Variants in SLC22A12 observed in about 807,000 individuals in gnomAD.
The protein encoded by SLC22A12 is organic anion transporter 4-like protein.
SLC22A12 carries 56 observed loss-of-function variants against 52.7 expected under a neutral mutation model. The observed-to-expected ratio is 1.06, with a 90% CI of 0.86 to 1.33. The LOEUF (loss-of-function observed/expected upper bound fraction) is 1.33. Ranked by LOEUF, SLC22A12 falls within the 40% of genes most tolerant of loss-of-function variation. The pLI, the probability that SLC22A12 is intolerant of heterozygous loss-of-function variation, is 0.00. For missense variants in SLC22A12, 683 were observed against 741.5 expected (o/e 0.92, Z 0.92); for synonymous variants, 337 against 324.6 (o/e 1.04, Z -0.41).
intron 4 of SLC22A12, 53 bp downstream of exon 4, chr11:64,593,856 C>T (rs530244310): frequency 5.1e-4 from 803 of 1,579,558 alleles, no homozygotes; most frequent in Non-Finnish European, 6.3e-4. Context: ...CCACTCTCCA[C>T]CCGGGGGAAT....
At position 64,598,531 on chromosome 11, in the gene SLC22A12, G is replaced by A. The variant is rs71581775; in HGVS notation, c.846G>A (p.Ser282=). The A allele has an allele frequency of 1.9e-5, 30 of 1,587,378 alleles. No individual in the cohort carries two copies. The Middle Eastern group carries it at 7.3e-4, about 38-fold the overall frequency. Residue 282 remains serine (S), a synonymous_variant, in exon 5 of 10, where the codon TCG becomes TCA. Coordinates refer to ENST00000377574, the MANE Select transcript of SLC22A12 (RefSeq NM_144585.4). The part of the protein sequence containing the change: ...CFLYSWWLAE[S]ARWLLTTGRL... Reference sequence around the variant, plus strand: ...TCCACTTAAGGTGGCTGGCAGAGTCGGCACGATGGCTCCTCACCACAGGCA... The same window carrying A: ...TCCACTTAAGGTGGCTGGCAGAGTCAGCACGATGGCTCCTCACCACAGGCA...
intron 2 of SLC22A12, among the ~76,000 whole-genome samples, 188 bp downstream of exon 2, chr11:64,593,070 A>C (rs1006379072): frequency 6.6e-6 from 1 of 152,072 alleles, no homozygotes; most frequent in Non-Finnish European, 1.5e-5. Context: ...CCTTCTCTGA[A>C]CCTCGAGTTC....
At position 64,598,541 on chromosome 11, in the gene SLC22A12, C is replaced by T. The variant is rs746191331; in HGVS notation, c.856C>T (p.Leu286Phe). Residue 286 changes from leucine to phenylalanine, a missense_variant, in exon 5 of 10, where the codon CTC becomes TTC. Physicochemically the swap from Leu to Phe is conservative, Grantham distance 22. Coordinates refer to ENST00000377574, the MANE Select transcript of SLC22A12 (RefSeq NM_144585.4). ...SWWLAESARWLLTTGRLDWGL... is the reference protein window; with the variant it reads ...SWWLAESARWFLTTGRLDWGL... ...GTGGCTGGCAGAGTCGGCACGATGGCTCCTCACCACAGGCAGGCTGGATTG... is the reference window on the plus strand; with the variant it reads ...GTGGCTGGCAGAGTCGGCACGATGGTTCCTCACCACAGGCAGGCTGGATTG... The T allele has an allele frequency of 6.3e-7, 1 of 1,595,626 alleles. No homozygotes were observed. Among genetic ancestry groups the T allele is most frequent in the South Asian group, 1.1e-5 (1 of 87,768 alleles).
rs1466606233 is a variant in SLC22A12 at position 64,591,912 on chromosome 11, G to A, written c.356G>A (p.Gly119Asp). The A allele has an allele frequency of 1.2e-6, 2 of 1,612,340 alleles. No homozygotes were observed. Among genetic ancestry groups the A allele is most frequent in the Non-Finnish European group, 1.7e-6 (2 of 1,180,036 alleles). Residue 119 changes from glycine to aspartate, a missense_variant, in exon 1 of 10, where the codon GGC (glycine) becomes GAC (aspartate). Gly to Asp is a moderately conservative substitution (Grantham distance 94). Coordinates refer to ENST00000377574, the MANE Select transcript of SLC22A12 (RefSeq NM_144585.4). ...SEADTEPCVDGWVYDRSIFTS... is the reference protein window; with the variant it reads ...SEADTEPCVDDWVYDRSIFTS... ...GCCGACACGGAGCCGTGTGTGGATG[G>A]CTGGGTCTATGACCGCAGCATCTTC...
intron 6 of SLC22A12, 84 bp from the exon 7 acceptor site, chr11:64,599,592 C>T (rs1489160435): frequency 5.4e-6 from 3 of 560,736 alleles, no homozygotes; most frequent in South Asian, 5.5e-5. Flanking sequence ...CCACCCTGAG[C>T]CCCCACCGCC....
chr11:64,593,574 T>G lies in SLC22A12; in HGVS notation c.661+15T>G. On this transcript the variant is annotated intron_variant, in intron 3 of 9. Coordinates refer to ENST00000377574, the MANE Select transcript of SLC22A12 (RefSeq NM_144585.4). ...GGGCACTCTCCGTAGGTCTCTGACC[T>G]GGCGCCATGCAGGGGGGCTCCATGC... The G allele has an allele frequency of 6.2e-7, 1 of 1,614,142 alleles. No individual in the cohort carries two copies. The highest frequency in any genetic ancestry group is 8.5e-7 in the Non-Finnish European group (1 of 1,180,006).
intron 4 of SLC22A12, among the ~76,000 whole-genome samples, chr11:64,596,556 G>A (rs1203689914): frequency 6.6e-6 from 1 of 152,200 alleles, no homozygotes; most frequent in Non-Finnish European, 1.5e-5. Context: ...GACCACTGTA[G>A]AAAGGAGCAC....
rs2022051 is a variant in SLC22A12, at chr11:64,600,117, A to G, written c.1285+227A>G. Among the ~76,000 whole-genome samples, 51,098 of 152,074 alleles carry G rather than the reference A, an allele frequency of 0.34. 10,861 individuals carry two copies. Among genetic ancestry groups the G allele is most frequent in the African/African-American group, 0.6 (24,766 of 41,460 alleles). ...AAAGTGTGGAGTTAAAATGAGAACTAAGTGATGGATTGCAGGAGGAGGGAA... is the reference window on the plus strand; with the variant it reads ...AAAGTGTGGAGTTAAAATGAGAACTGAGTGATGGATTGCAGGAGGAGGGAA... On this transcript the variant is annotated intron_variant, in intron 7 of 9. Coordinates refer to ENST00000377574, the MANE Select transcript of SLC22A12 (RefSeq NM_144585.4).
intron 2 of SLC22A12, 70 bp downstream of exon 2, chr11:64,592,952 C>T: frequency 2.1e-6 from 3 of 1,421,028 alleles, no homozygotes; most frequent in Non-Finnish European, 3.0e-6. Flanking sequence ...CCCTGGCCGA[C>T]TGGCCCCAAA....
chr11:64,593,619 C>G lies in SLC22A12; in HGVS notation c.662-16C>G, dbSNP rs1376837159. The G allele has an allele frequency of 6.2e-7, 1 of 1,614,206 alleles. No homozygotes were observed. Among genetic ancestry groups the G allele is most frequent in the South Asian group, 1.1e-5 (1 of 91,086 alleles). ...CCATGCAGGCTCCAGGGCTGAACCA[C>G]TCGGTCTCCTTGCAGTGATGGAGTG... is the stretch of plus-strand genomic sequence containing the variant. On this transcript the variant is annotated splice_polypyrimidine_tract_variant and intron_variant, in intron 3 of 9. Coordinates refer to ENST00000377574, the MANE Select transcript of SLC22A12 (RefSeq NM_144585.4).
intron 4 of SLC22A12, among the ~76,000 whole-genome samples, chr11:64,595,591 G>GGAT (rs1565136730): frequency 3.0e-5 from 4 of 132,068 alleles, no homozygotes; most frequent in African/African-American, 1.1e-4. Context: ...AATGGAAGGA[G>GGAT]GGATGGATGG....
Position 64,593,737 on chromosome 11 carries a change from T to C in SLC22A12, c.764T>C (p.Val255Ala), listed in dbSNP as rs778308776. ...HGLTAAVAYG[V>A]RDWTLLQLVV... is the part of the protein sequence containing the mutation. ...CTGACAGCTGCAGTGGCCTACGGTG[T>C]GCGGGACTGGACACTGCTGCAGCTG... The change falls in exon 4 of 10, where the codon GTG becomes GCG. Residue 255 changes from valine (V) to alanine (A), a missense_variant. By Grantham distance (64) the Val-to-Ala change is moderately conservative. Coordinates refer to ENST00000377574, the MANE Select transcript of SLC22A12 (RefSeq NM_144585.4). 9.3e-6 allele frequency: 15 copies of C among 1,613,572 alleles called. No homozygotes were observed. The highest frequency in any genetic ancestry group is 1.3e-5 in the African/African-American group (1 of 74,926).
chr11:64,591,970 C>T lies in SLC22A12; in HGVS notation c.402+12C>T, dbSNP rs777445888. On this transcript the variant is annotated intron_variant, in intron 1 of 9. Transcript: ENST00000377574. ...CAATCGTGGCCAAGGTAGGGCCTCC[C>T]CCAGAGCCACTCGAGTCCCACCACC... 1 of 1,608,646 alleles carries T rather than the reference C, an allele frequency of 6.2e-7. No individual in the cohort carries two copies. Among genetic ancestry groups the T allele is most frequent in the Non-Finnish European group, 8.5e-7 (1 of 1,179,802 alleles).
intron 8 of SLC22A12, 26 bp downstream of exon 8, chr11:64,600,501 G>A (rs373406568): frequency 7.1e-6 from 11 of 1,559,020 alleles, no homozygotes; most frequent in Non-Finnish European, 9.6e-6. Flanking sequence ...GGCTCCAGGA[G>A]AGGGGAGCCC....
intron 4 of SLC22A12, among the ~76,000 whole-genome samples, chr11:64,594,975 A>T (rs1477869062): frequency 8.9e-6 from 1 of 112,354 alleles, no homozygotes; most frequent in Non-Finnish European, 1.7e-5. Context: ...GAATAGATGG[A>T]TGGATGGATG....
Position 64,601,822 on chromosome 11 carries a change from G to A in SLC22A12, c.*271G>A, listed in dbSNP as rs184983393. 5.6e-4 allele frequency: 254 copies of A among 456,930 alleles called. 1 individual carries two copies. The highest frequency in any genetic ancestry group is 4.9e-3 in the African/African-American group (244 of 49,974). 28.3% of individuals were successfully genotyped at this position (456,930 alleles called of 1,614,324 possible). A position where few individuals can be genotyped will look rare whatever the true frequency, so the allele number is the denominator to read the frequency against. On this transcript the variant is annotated 3_prime_UTR_variant, in exon 10 of 10. Coordinates refer to ENST00000377574, the MANE Select transcript of SLC22A12 (RefSeq NM_144585.4). ...CCTGCCCTGCCCTCGTGGCTTCGGA[G>A]AGCAGAGGGGTCAGGCCCAGGGGAA...
At chr11:64,596,914 C>T (rs2039265345) in intron 4 of SLC22A12, among the ~76,000 whole-genome samples, 2 of 152,172 alleles carry the variant, frequency 1.3e-5, no homozygotes, top group Admixed American at 1.3e-4. Context: ...TGAAGAAGTG[C>T]CCATTCATTC....
At position 64,600,403 on chromosome 11, in the gene SLC22A12, G is replaced by A; in HGVS notation, c.1322G>A (p.Gly441Glu). ...GALRSALAVL[G>E]LGGVGAAFTC... ...CTGCGCTCAGCCTTGGCCGTGCTGG[G>A]GCTGGGCGGGGTGGGGGCTGCCTTC... Residue 441 changes from glycine (G) to glutamate (E), a missense_variant, in exon 8 of 10, where the codon GGG becomes GAG. Physicochemically the swap from Gly to Glu is moderately conservative, Grantham distance 98 (BLOSUM62 -2). Coordinates refer to ENST00000377574, the MANE Select transcript of SLC22A12 (RefSeq NM_144585.4). 1 of 1,607,704 alleles carries A rather than the reference G, an allele frequency of 6.2e-7. No homozygotes were observed. Among genetic ancestry groups the A allele is most frequent in the South Asian group, 1.1e-5 (1 of 90,140 alleles).
intron 1 of SLC22A12, among the ~76,000 whole-genome samples, chr11:64,592,226 TC>T (rs1011826138): frequency 2.2e-4 from 33 of 152,232 alleles, no homozygotes; most frequent in Admixed American, 2.0e-3. Flanking sequence ...CTCACCGGCC[TC>T]ACCCTGTCCT....
Sources: allele counts gnomAD v4.1 joint callset (sites outside exome capture counted in the v4.1 genomes callset), GRCh38; gene constraint gnomAD v4.1.1; transcripts MANE v1.5; gene names NCBI Gene and HGNC (gene_info 2026-07-23, HGNC 2026-07-21).